Variants in AKAP6 observed in about 807,000 individuals in gnomAD.
The protein encoded by AKAP6 is A-kinase anchoring protein 6.
AKAP6 carries 58 observed loss-of-function variants against 188.5 expected under a neutral mutation model. The ratio of observed to expected loss-of-function variants is 0.31; its 90% CI spans 0.25 to 0.38. The LOEUF (loss-of-function observed/expected upper bound fraction) is 0.38. Among genes scored for constraint, AKAP6 ranks in the 10% least tolerant of loss-of-function variants. AKAP6 has a pLI of 1.00. For synonymous variants in AKAP6, 989 were observed against 998.6 expected (o/e 0.99, Z 0.18); for missense variants, 2,710 against 2,740.0 (o/e 0.99, Z 0.24).
intron 2 of AKAP6, among the ~76,000 whole-genome samples, chr14:32,441,394 A>T (rs192408542): frequency 6.6e-6 from 1 of 152,360 alleles, no homozygotes; most frequent in East Asian, 1.9e-4. Flanking sequence ...CTAATTTTAG[A>T]TATTTAGAAG....
chr14:32,780,157 C>CATATATATATATATATATATGTATATAT (rs59506546), intron 12 of AKAP6, among the ~76,000 whole-genome samples: 1 of 119,346 alleles, frequency 8.4e-6, no homozygotes, highest in African/African-American at 3.2e-5. Context: ...AAAAAAAAAA[C>CATATATATATATATATATATGTATATAT]ATATATATAT....
intron 9 of AKAP6, among the ~76,000 whole-genome samples, chr14:32,702,982 T>C (rs1890676388): frequency 6.6e-6 from 1 of 152,128 alleles, no homozygotes; most frequent in South Asian, 2.1e-4. Flanking sequence ...CAGGAGTCAG[T>C]AGGAAATGAG....
At chr14:32,564,165 G>C (rs928827972) in intron 4 of AKAP6, among the ~76,000 whole-genome samples, 10 of 152,048 alleles carry the variant, frequency 6.6e-5, no homozygotes, top group African/African-American at 2.4e-4. Flanking sequence ...GTATTGTTTA[G>C]AGAATAATGA....
intron 4 of AKAP6, among the ~76,000 whole-genome samples, chr14:32,555,657 G>T (rs1017067259): frequency 1.3e-5 from 2 of 151,920 alleles, no homozygotes; most frequent in Non-Finnish European, 2.9e-5. Flanking sequence ...CCATAATTTT[G>T]ACTGTTCTAA....
chr14:32,785,727 T>C (rs1263406978), intron 12 of AKAP6, among the ~76,000 whole-genome samples: 2 of 150,130 alleles, frequency 1.3e-5, no homozygotes, highest in South Asian at 2.1e-4. Context: ...AAAGATCTTG[T>C]ACAGGACAAC....
chr14:32,391,859 T>C (rs1302477226), intron 1 of AKAP6, among the ~76,000 whole-genome samples: 2 of 152,144 alleles, frequency 1.3e-5, no homozygotes, highest in Non-Finnish European at 2.9e-5. Flanking sequence ...TATTACCCAG[T>C]CTCAGATATT....
intron 11 of AKAP6, among the ~76,000 whole-genome samples, chr14:32,759,333 C>T (rs1013628671): frequency 2.0e-5 from 3 of 152,104 alleles, no homozygotes; most frequent in African/African-American, 4.8e-5. Flanking sequence ...TCCTCTTTTC[C>T]ATCATGCCCT....
intron 2 of AKAP6, among the ~76,000 whole-genome samples, chr14:32,510,429 T>TATATGTATATATATATAC (rs1566546653): frequency 8.5e-5 from 8 of 93,882 alleles, no homozygotes; most frequent in East Asian, 2.4e-4. Flanking sequence ...TATATACATA[T>TATATGTATATATATATAC]ATATATGTGT....
chr14:32,559,131 T>G (rs1883817983), intron 4 of AKAP6, among the ~76,000 whole-genome samples: 1 of 152,122 alleles, frequency 6.6e-6, no homozygotes, highest in Admixed American at 6.5e-5. Flanking sequence ...AAATGAGTAG[T>G]TAAGGGAATG....
intron 1 of AKAP6, among the ~76,000 whole-genome samples, chr14:32,401,529 T>C (rs966506609): frequency 1.3e-5 from 2 of 152,184 alleles, no homozygotes; most frequent in African/African-American, 4.8e-5. Flanking sequence ...CACTTCAAAA[T>C]TGTGAATCTC....
At chr14:32,734,796 A>G (rs1016952496) in intron 10 of AKAP6, among the ~76,000 whole-genome samples, 7 of 152,136 alleles carry the variant, frequency 4.6e-5, no homozygotes, top group Non-Finnish European at 1.0e-4. Flanking sequence ...TTTACAGAAC[A>G]CTACACACCA....
rs2140177152 is a variant in AKAP6 at position 32,833,512 on chromosome 14, A to G, written c.*3707A>G. On this transcript the variant is annotated 3_prime_UTR_variant, in exon 14 of 14. Coordinates refer to ENST00000280979, the MANE Select transcript of AKAP6 (RefSeq NM_004274.5). ...ATATTTGTTAGATTTCTGGTCACTG[A>G]ATAAATATGCATCTTATACAACACA... 1 of 152,344 alleles carries G rather than the reference A, an allele frequency of 6.6e-6. No homozygotes were observed. Among genetic ancestry groups the G allele is most frequent in the East Asian group, 1.9e-4 (1 of 5,186 alleles). 9.4% of individuals were successfully genotyped at this position (152,344 alleles called of 1,614,324 possible). A position where few individuals can be genotyped will look rare whatever the true frequency, so the allele number is the denominator to read the frequency against.
At chr14:32,715,114 A>G (rs1249803491) in intron 9 of AKAP6, among the ~76,000 whole-genome samples, 1 of 151,898 alleles carries the variant, frequency 6.6e-6, no homozygotes, top group Non-Finnish European at 1.5e-5. Context: ...TACCTTGCAA[A>G]CTGTACTAAT....
At chr14:32,700,534 G>A (rs773482735) in intron 9 of AKAP6, among the ~76,000 whole-genome samples, 2 of 152,070 alleles carry the variant, frequency 1.3e-5, no homozygotes, top group Non-Finnish European at 2.9e-5. Context: ...GGCCTTTGAA[G>A]GACTACATAT....
intron 12 of AKAP6, among the ~76,000 whole-genome samples, chr14:32,818,420 C>A (rs966818047): frequency 1.3e-5 from 2 of 151,996 alleles, no homozygotes; most frequent in South Asian, 2.1e-4. Flanking sequence ...CTACAGTCAT[C>A]CTCTCTCTTT....
chr14:32,357,090 AT>A (rs1887508654), intron 1 of AKAP6, among the ~76,000 whole-genome samples: 1 of 152,212 alleles, frequency 6.6e-6, no homozygotes, highest in African/African-American at 2.4e-5. Flanking sequence ...TTTTAGCATA[AT>A]AGGAACTCTT....
chr14:32,780,155 A>ATATATATATATATATATATATATATAT (rs140827829), intron 12 of AKAP6, among the ~76,000 whole-genome samples: 1 of 91,444 alleles, frequency 1.1e-5, no homozygotes, highest in African/African-American at 4.1e-5. Context: ...TGAAAAAAAA[A>ATATATATATATATATATATATATATAT]ACATATATAT....
intron 7 of AKAP6, among the ~76,000 whole-genome samples, chr14:32,676,321 A>G (rs1474861310): frequency 6.6e-6 from 1 of 152,052 alleles, no homozygotes; most frequent in African/African-American, 2.4e-5. Flanking sequence ...GACTCTTTAC[A>G]TTTAGTTTTA....
chr14:32,606,341 A>G (rs1372695210), intron 7 of AKAP6, among the ~76,000 whole-genome samples: 2 of 152,182 alleles, frequency 1.3e-5, no homozygotes, highest in African/African-American at 4.8e-5. Flanking sequence ...TGACCTTTCA[A>G]GGCAAAAAAC....
Sources: gnomAD v4.1 joint callset for allele counts (sites outside exome capture counted in the v4.1 genomes callset) on GRCh38, gnomAD v4.1.1 for gene constraint, MANE v1.5 for transcripts, NCBI Gene and HGNC (gene_info 2026-07-23, HGNC 2026-07-21) for gene names.